Variants in LMNA observed in about 807,000 individuals in gnomAD.
LMNA encodes lamin A/C.
LMNA carries 20 observed loss-of-function variants against 70.4 expected under a neutral mutation model. That is an observed-to-expected ratio of 0.28 (90% CI 0.20 to 0.41). The LOEUF (loss-of-function observed/expected upper bound fraction) is 0.41, where lower values mean the gene tolerates loss of function less well. LMNA is among the 10% of genes least tolerant of loss of function. The pLI, the probability that LMNA is intolerant of heterozygous loss-of-function variation, is 1.00. For missense variants in LMNA, 652 were observed against 917.2 expected (o/e 0.71, Z 3.73); for synonymous variants, 339 against 372.8 (o/e 0.91, Z 1.04).
chr1:156,107,935 T>G (rs2102806919), intron 3 of LMNA, among the ~76,000 whole-genome samples: 1 of 152,070 alleles, frequency 6.6e-6, no homozygotes, highest in Admixed American at 6.6e-5. Context: ...CCAGCTGATT[T>G]TTTGTATTTT....
chr1:156,111,321 C>T (rs767379317), upstream of LMNA, among the ~76,000 whole-genome samples: 4 of 151,728 alleles, frequency 2.6e-5, no homozygotes, highest in African/African-American at 7.3e-5. Context: ...TGGTGGCACA[C>T]GCCTGTAATC....
At position 156,135,390 on chromosome 1, in the gene LMNA, TG is replaced by T; in HGVS notation, c.936+83del. The T allele has an allele frequency of 2.1e-6, 1 of 480,236 alleles. No homozygotes were observed. The allele number at this position is 480,236 out of a possible 1,614,324, so 29.7% of individuals were successfully genotyped here. On this transcript the variant is annotated intron_variant, in intron 5 of 11. Transcript: ENST00000368300. The surrounding 1 kb of genome is among the most constrained non-coding windows in gnomAD (Gnocchi z 4.8). ...CAGGCTGGAAGCCCAGGGTTGGGGGTGGGGGTGGGGGTGGGAGGTTCCTGAG... is the reference window on the plus strand; with the variant it reads ...CAGGCTGGAAGCCCAGGGTTGGGGGTGGGGTGGGGGTGGGAGGTTCCTGAG...
At chr1:156,113,063 G>A (rs1381986668), upstream of LMNA, among the ~76,000 whole-genome samples, 1 of 152,058 alleles carries the variant, frequency 6.6e-6, no homozygotes, top group African/African-American at 2.4e-5. Context: ...GGGAAGCTGA[G>A]GCAGGCAGAT....
chr1:156,125,470 G>C (rs113989533), intron 1 of LMNA, among the ~76,000 whole-genome samples: 251 of 151,882 alleles, frequency 1.7e-3, no homozygotes, highest in African/African-American at 6.0e-3. Context: ...GGAGGATCAC[G>C]TGAGGTCAGG....
chr1:156,106,269 CT>C (rs1649340707), intron 3 of LMNA, among the ~76,000 whole-genome samples: 1 of 152,254 alleles, frequency 6.6e-6, no homozygotes, highest in African/African-American at 2.4e-5. Flanking sequence ...AAAGGGAATC[CT>C]TTTCTGCCTC....
intron 3 of LMNA, among the ~76,000 whole-genome samples, chr1:156,094,915 A>G (rs536923844): frequency 3.4e-5 from 5 of 149,094 alleles, no homozygotes; most frequent in Middle Eastern, 3.5e-3. Flanking sequence ...GTTTGTCACC[A>G]CAACCAGCTA....
chr1:156,130,162 A>G lies in LMNA; in HGVS notation c.357-455A>G, dbSNP rs1650919040. ...GCTCAGATCGAGAAGTGCTAGGGAC[A>G]TGTGGGCCATGAGCTTAGTTGTCAG... On this transcript the variant is annotated intron_variant, in intron 1 of 11. Transcript: ENST00000368300. Among the ~76,000 whole-genome samples the G allele has an allele frequency of 2.0e-5, 3 of 152,292 alleles. No homozygotes were observed. The South Asian group carries it at 6.2e-4, about 32-fold the overall frequency.
chr1:156,126,528 T>C, intron 1 of LMNA: 1 of 715,370 alleles, frequency 1.4e-6, no homozygotes, highest in Non-Finnish European at 2.6e-6. Flanking sequence ...ACCTAGCCCC[T>C]TTGCTGTGCT....
Position 156,136,858 on chromosome 1 carries a change from C to G in LMNA, c.1381-63C>G. The G allele has an allele frequency of 7.1e-7, 1 of 1,409,954 alleles. No individual in the cohort carries two copies. The highest frequency in any genetic ancestry group is 9.9e-7 in the Non-Finnish European group (1 of 1,013,620). 87.3% of individuals were successfully genotyped at this position (1,409,954 alleles called of 1,614,324 possible). A position where few individuals can be genotyped will look rare whatever the true frequency, so the allele number is the denominator to read the frequency against. ...GCAGGCAGAGGGCTGGGCCTTTGAG[C>G]AAGATACACCCAAGAGCCTGGGTGA... On this transcript the variant is annotated intron_variant, in intron 7 of 11. Coordinates refer to ENST00000368300, the MANE Select transcript of LMNA (RefSeq NM_170707.4). The surrounding 1 kb of genome is among the most constrained non-coding windows in gnomAD (Gnocchi z 6.1).
chr1:156,131,996 T>A (rs993469816), intron 2 of LMNA, among the ~76,000 whole-genome samples: 1 of 151,968 alleles, frequency 6.6e-6, no homozygotes, highest in Non-Finnish European at 1.5e-5. Context: ...ATGGTTAAAC[T>A]CCGTCTCTAC....
chr1:156,084,328 C>CAGGG (rs1553259231), intron 2 of LMNA, among the ~76,000 whole-genome samples: 1 of 90,976 alleles, frequency 1.1e-5, no homozygotes, highest in Non-Finnish European at 2.4e-5. Flanking sequence ...CTCAGAAGGT[C>CAGGG]GGGGGGTGGT....
intron 3 of LMNA, among the ~76,000 whole-genome samples, chr1:156,092,154 G>A (rs1648730263): frequency 6.6e-6 from 1 of 151,946 alleles, no homozygotes; most frequent in Non-Finnish European, 1.5e-5. Flanking sequence ...CTGACCTCAG[G>A]TAATCCACTC....
upstream of LMNA, among the ~76,000 whole-genome samples, chr1:156,112,123 A>AT (rs1303166020): frequency 2.0e-5 from 3 of 152,182 alleles, no homozygotes; most frequent in Non-Finnish European, 2.9e-5. Context: ...TTTCCACAAG[A>AT]TGGGGAGGTC....
chr1:156,099,716 A>T (rs975116730), intron 3 of LMNA, among the ~76,000 whole-genome samples: 1 of 151,722 alleles, frequency 6.6e-6, no homozygotes, highest in Non-Finnish European at 1.5e-5. Flanking sequence ...AACCCTACAG[A>T]GTCTACTAAA....
At chr1:156,107,271 C>A (rs1649385182) in intron 3 of LMNA, among the ~76,000 whole-genome samples, 1 of 152,182 alleles carries the variant, frequency 6.6e-6, no homozygotes, top group African/African-American at 2.4e-5. Context: ...CTCAGTGAGC[C>A]CAGCAGCCAC....
At chr1:156,127,291 G>C (rs1485535814) in intron 1 of LMNA, among the ~76,000 whole-genome samples, 2 of 152,134 alleles carry the variant, frequency 1.3e-5, no homozygotes, top group Non-Finnish European at 2.9e-5. Context: ...CCTGGCCACA[G>C]AGCTCCCAAG....
In LMNA at chr1:156,139,414, C is replaced by T. The variant is rs979152134; in HGVS notation, c.*308C>T. On this transcript the variant is annotated 3_prime_UTR_variant, in exon 12 of 12. Transcript: ENST00000368300. ...CTGCCTTAAAACCAAAGAGGGCTTC[C>T]TCTAGAAGCCAAGGGAAAGGGGTGC... The T allele has an allele frequency of 2.2e-6, 3 of 1,360,050 alleles. No homozygotes were observed. Among genetic ancestry groups the T allele is most frequent in the Non-Finnish European group, 2.8e-6 (3 of 1,058,882 alleles). 84.2% of individuals were successfully genotyped at this position (1,360,050 alleles called of 1,614,324 possible). A position where few individuals can be genotyped will look rare whatever the true frequency, so the allele number is the denominator to read the frequency against.
intron 1 of LMNA, chr1:156,129,787 G>A (rs1454404717): frequency 5.5e-6 from 4 of 729,500 alleles, no homozygotes; most frequent in South Asian, 2.9e-5. Flanking sequence ...AGCGCTGTTC[G>A]ACTGGTTATA....
At chr1:156,126,566 A>T in intron 1 of LMNA, 1 of 790,348 alleles carries the variant, frequency 1.3e-6, no homozygotes, top group East Asian at 2.6e-5. Flanking sequence ...AACAGCCCCA[A>T]GGGCCCGGGC....
Sources: allele counts gnomAD v4.1 joint callset (sites outside exome capture counted in the v4.1 genomes callset), GRCh38; gene constraint gnomAD v4.1.1; non-coding constraint Gnocchi (gnomAD v3.1); transcripts MANE v1.5; gene names NCBI Gene and HGNC (gene_info 2026-07-23, HGNC 2026-07-21).